Variants in PTPN13 observed in about 807,000 individuals in gnomAD.
The protein encoded by PTPN13 is tyrosine-protein phosphatase non-receptor type 13.
Under a neutral mutation model 284.0 loss-of-function variants are expected in PTPN13, and 191 were observed. The ratio of observed to expected loss-of-function variants is 0.67; its 90% CI spans 0.60 to 0.76. The LOEUF is 0.76. PTPN13 is among the 30% of genes least tolerant of loss of function. The pLI, the probability that PTPN13 is intolerant of heterozygous loss-of-function variation, is 0.00. For synonymous variants in PTPN13, 986 were observed against 1,022.3 expected (o/e 0.96, Z 0.68); for missense variants, 2,797 against 2,939.9 (o/e 0.95, Z 1.12).
chr4:86,784,610 G>T, intron 38 of PTPN13, 52 bp downstream of exon 38: 1 of 1,201,934 alleles, frequency 8.3e-7, no homozygotes, highest in Non-Finnish European at 1.2e-6. Context: ...AATAATTCAG[G>T]TAATTAAAAA....
Position 86,766,470 on chromosome 4 carries a change from G to A in PTPN13, c.4282G>A (p.Gly1428Arg), listed in dbSNP as rs1739324986. 1 of 1,610,436 alleles carries A rather than the reference G, an allele frequency of 6.2e-7. No homozygotes were observed. The highest frequency in any genetic ancestry group is 8.5e-7 in the Non-Finnish European group (1 of 1,178,972). ...AGCTGTCAATGGAGTTAGTCTAGAAGGAGCCACCCATAAGCAAGCTGTGGA... is the reference window on the plus strand; with the variant it reads ...AGCTGTCAATGGAGTTAGTCTAGAAAGAGCCACCCATAAGCAAGCTGTGGA... The part of the protein sequence containing the change: ...VLAVNGVSLE[G>R]ATHKQAVETL... Residue 1428 changes from glycine to arginine, a missense_variant, in exon 27 of 48, where the codon GGA becomes AGA. By Grantham distance (125) the Gly-to-Arg change is moderately radical. Coordinates refer to ENST00000411767, the MANE Select transcript of PTPN13 (RefSeq NM_080683.3).
chr4:86,663,321 T>A (rs930168372), intron 2 of PTPN13, among the ~76,000 whole-genome samples: 2 of 151,768 alleles, frequency 1.3e-5, no homozygotes, highest in Non-Finnish European at 2.9e-5. Context: ...CATGGGGGGG[T>A]TTGCACTGTT....
intron 30 of PTPN13, 106 bp downstream of exon 30, chr4:86,770,305 C>T: frequency 9.7e-7 from 1 of 1,030,726 alleles, no homozygotes; most frequent in Admixed American, 2.1e-5. Context: ...GGGTTTCATA[C>T]CTAGCTACTT....
At chr4:86,712,433 A>T (rs1732525802) in intron 7 of PTPN13, among the ~76,000 whole-genome samples, 1 of 151,808 alleles carries the variant, frequency 6.6e-6, no homozygotes, top group South Asian at 2.1e-4. Flanking sequence ...CCACTGCAAG[A>T]TTCTCTTGGT....
chr4:86,655,818 A>G (rs1416121930), intron 2 of PTPN13, among the ~76,000 whole-genome samples: 2 of 152,156 alleles, frequency 1.3e-5, no homozygotes, highest in South Asian at 2.1e-4. Flanking sequence ...GTTCTCCTGG[A>G]TAATATCCTG....
chr4:86,784,615 T>TA (rs936787475), intron 38 of PTPN13, 57 bp downstream of exon 38: 784 of 1,064,302 alleles, frequency 7.4e-4, no homozygotes, highest in Non-Finnish European at 8.3e-4. Context: ...TTCAGGTAAT[T>TA]AAAAAAAAAT....
chr4:86,635,112 T>C, intron 1 of PTPN13, 140 bp from the exon 2 acceptor site: 2 of 924,746 alleles, frequency 2.2e-6, no homozygotes, highest in Non-Finnish European at 3.1e-6. Context: ...GAGTTTAAGA[T>C]AACATTTAGA....
chr4:86,724,907 T>A (rs1213995443), intron 10 of PTPN13, among the ~76,000 whole-genome samples: 2 of 152,116 alleles, frequency 1.3e-5, no homozygotes, highest in East Asian at 3.9e-4. Context: ...CATGTTGGTT[T>A]GCTGCACCCA....
intron 5 of PTPN13, among the ~76,000 whole-genome samples, chr4:86,689,401 A>T (rs150344571): frequency 0.017 from 2,616 of 152,308 alleles, 27 homozygotes; most frequent in African/African-American, 0.03. Context: ...TGTGAGAATT[A>T]TTCCCAAAAA....
intron 9 of PTPN13, among the ~76,000 whole-genome samples, chr4:86,717,980 T>G (rs1733217477): frequency 6.6e-6 from 1 of 152,180 alleles, no homozygotes. Context: ...GAATTTCTTA[T>G]AAGGTGTTAG....
intron 17 of PTPN13, among the ~76,000 whole-genome samples, chr4:86,746,669 G>A (rs773071610): frequency 1.1e-4 from 16 of 151,624 alleles, no homozygotes; most frequent in Non-Finnish European, 1.5e-4. Context: ...ACGGAGTTTC[G>A]CTCTTGTCAA....
At chr4:86,597,069 A>G (rs1271484912) in intron 1 of PTPN13, among the ~76,000 whole-genome samples, 1 of 152,116 alleles carries the variant, frequency 6.6e-6, no homozygotes, top group Non-Finnish European at 1.5e-5. Flanking sequence ...ATATCACTTT[A>G]CAAGGTAGGG....
At chr4:86,698,913 A>G (rs1730846098) in intron 6 of PTPN13, among the ~76,000 whole-genome samples, 1 of 152,218 alleles carries the variant, frequency 6.6e-6, no homozygotes, top group African/African-American at 2.4e-5. Flanking sequence ...TTATGTTCAC[A>G]TACTAATGGG....
In PTPN13 at chr4:86,782,235, C is replaced by T. The variant is rs760608108; in HGVS notation, c.5997C>T (p.Ala1999=). 1.2e-6 allele frequency: 2 copies of T among 1,609,480 alleles called. No individual in the cohort carries two copies. The highest frequency in any genetic ancestry group is 3.3e-5 in the Admixed American group (2 of 59,998). ...GTGTGGGGTCTTGCAGCCAGCCTGC[C>T]CTCACTCCTAATGATTCATTCTCCA... ...SYSVGSCSQP[A]LTPNDSFSTV... The change falls in exon 37 of 48, where the codon GCC becomes GCT. Residue 1999 remains alanine, a synonymous_variant. Coordinates refer to ENST00000411767, the MANE Select transcript of PTPN13 (RefSeq NM_080683.3).
intron 1 of PTPN13, among the ~76,000 whole-genome samples, chr4:86,611,561 C>A (rs1411245410): frequency 6.6e-6 from 1 of 152,166 alleles, no homozygotes; most frequent in Non-Finnish European, 1.5e-5. Context: ...TGTGAAACAA[C>A]AATTTTCAGG....
rs202038172 is a variant in PTPN13, at chr4:86,734,360, G to A, written c.1916G>A (p.Gly639Glu). The part of the protein sequence containing the change: ...DLKLTKVAPE[G>E]WKEEPKKKTK... Reference sequence around the variant, plus strand: ...AAATTAACCAAAGTGGCCCCAGAGGGATGGAAAGAAGAACCAAAGAAAAAG... The same window carrying A: ...AAATTAACCAAAGTGGCCCCAGAGGAATGGAAAGAAGAACCAAAGAAAAAG... The change falls in exon 13 of 48, where the codon GGA becomes GAA. Residue 639 changes from glycine to glutamate, a missense_variant. Coordinates refer to ENST00000411767, the MANE Select transcript of PTPN13 (RefSeq NM_080683.3). The A allele has an allele frequency of 6.3e-5, 98 of 1,561,392 alleles. 1 individual carries two copies. In the Admixed American group the frequency reaches 1.0e-3, roughly 17 times the overall value.
chr4:86,702,358 A>C (rs10516777), intron 7 of PTPN13, among the ~76,000 whole-genome samples: 3,882 of 152,258 alleles, frequency 0.025, 161 homozygotes, highest in African/African-American at 0.089. Flanking sequence ...TTTGAATCAT[A>C]GTACATTTTA....
At chr4:86,669,452 T>C (rs1358452552) in intron 2 of PTPN13, among the ~76,000 whole-genome samples, 1 of 151,920 alleles carries the variant, frequency 6.6e-6, no homozygotes, top group Non-Finnish European at 1.5e-5. Context: ...TATAAATAAG[T>C]ATGATTATAT....
At chr4:86,700,179 A>T (rs971669880) in intron 6 of PTPN13, among the ~76,000 whole-genome samples, 4 of 152,212 alleles carry the variant, frequency 2.6e-5, no homozygotes, top group African/African-American at 9.6e-5. Flanking sequence ...TATAGTTGTT[A>T]CACTAAAGAG....
Sources: allele counts gnomAD v4.1 joint callset (sites outside exome capture counted in the v4.1 genomes callset), GRCh38; gene constraint gnomAD v4.1.1; transcripts MANE v1.5; gene names NCBI Gene and HGNC (gene_info 2026-07-23, HGNC 2026-07-21).